GABRB1: variants seen among roughly 807,000 people sequenced by gnomAD.
The protein encoded by GABRB1 is gamma-aminobutyric acid receptor subunit beta-1.
In GABRB1, 17 loss-of-function variants were observed where a neutral mutation model predicts 51.6. That is an observed-to-expected ratio of 0.33 (90% CI 0.23 to 0.49). GABRB1 has a LOEUF of 0.49. GABRB1 is among the 20% of genes least tolerant of loss of function. The pLI is 0.99. For synonymous variants in GABRB1, 247 were observed against 218.9 expected (o/e 1.13, Z -1.14); for missense variants, 410 against 600.6 (o/e 0.68, Z 3.32).
chr4:47,377,749 T>C (rs1433558952), intron 5 of GABRB1, among the ~76,000 whole-genome samples: 1 of 151,944 alleles, frequency 6.6e-6, no homozygotes, highest in Non-Finnish European at 1.5e-5. Context: ...CCCACCAGAT[T>C]AGCTAGATAC....
chr4:47,183,729 A>G (rs566429699), intron 4 of GABRB1, among the ~76,000 whole-genome samples: 1 of 151,928 alleles, frequency 6.6e-6, no homozygotes, highest in South Asian at 2.1e-4. Context: ...TTACATCCAC[A>G]TGAACTCATG....
intron 3 of GABRB1, among the ~76,000 whole-genome samples, chr4:47,108,497 T>C (rs1221397223): frequency 2.6e-5 from 4 of 152,168 alleles, no homozygotes; most frequent in South Asian, 2.1e-4. Flanking sequence ...TAAAAAAGCA[T>C]AAATTTCTGA....
intron 8 of GABRB1, among the ~76,000 whole-genome samples, chr4:47,414,643 A>G (rs935247534): frequency 6.6e-6 from 1 of 152,182 alleles, no homozygotes; most frequent in Non-Finnish European, 1.5e-5. Context: ...TGTATCCCCA[A>G]TAGTCAAGAA....
rs138918063 is a variant in GABRB1 at position 47,228,047 on chromosome 4, C to A, written c.461+66578C>A. ...ACTGAAGTACTGAGGGTTAGGTGTA[C>A]AACACGTGAATTTGGAAGGAACACA... On this transcript the variant is annotated intron_variant, in intron 4 of 8. Coordinates refer to ENST00000295454, the MANE Select transcript of GABRB1 (RefSeq NM_000812.4). 5.8e-3 allele frequency among the ~76,000 whole-genome samples: 879 copies of A among 152,238 alleles called. 3 individuals are homozygous for A. The highest frequency in any genetic ancestry group is 8.2e-3 in the Non-Finnish European group (561 of 68,004).
intron 3 of GABRB1, among the ~76,000 whole-genome samples, chr4:47,137,389 A>C (rs1171790855): frequency 6.6e-6 from 1 of 152,092 alleles, no homozygotes; most frequent in East Asian, 1.9e-4. Flanking sequence ...TGAGGACAGA[A>C]CAGACAGGTG....
chr4:47,321,727 A>G (rs1725092936), intron 5 of GABRB1, among the ~76,000 whole-genome samples: 2 of 151,932 alleles, frequency 1.3e-5, no homozygotes, highest in East Asian at 1.9e-4. Context: ...TGGATTTCCC[A>G]TACATATTAG....
chr4:47,399,284 T>C (rs1728300224), intron 5 of GABRB1, among the ~76,000 whole-genome samples: 1 of 152,202 alleles, frequency 6.6e-6, no homozygotes, highest in Non-Finnish European at 1.5e-5. Flanking sequence ...TTATGCTTTA[T>C]TATTTAAAAT....
chr4:47,178,066 C>T (rs1214893296), intron 4 of GABRB1, among the ~76,000 whole-genome samples: 1 of 151,988 alleles, frequency 6.6e-6, no homozygotes, highest in African/African-American at 2.4e-5. Context: ...ATATGATTAC[C>T]TAAGTTTCCA....
intron 3 of GABRB1, among the ~76,000 whole-genome samples, chr4:47,074,430 A>G (rs1336706752): frequency 6.6e-6 from 1 of 152,224 alleles, no homozygotes; most frequent in Non-Finnish European, 1.5e-5. Context: ...AATGCCTTGC[A>G]TACAAAGGCA....
chr4:47,112,370 C>T (rs552376638), intron 3 of GABRB1, among the ~76,000 whole-genome samples: 2 of 152,186 alleles, frequency 1.3e-5, no homozygotes, highest in African/African-American at 4.8e-5. Context: ...CTCCCAAGTG[C>T]TGGGATTACA....
intron 5 of GABRB1, among the ~76,000 whole-genome samples, chr4:47,393,967 T>G (rs182943569): frequency 6.6e-6 from 1 of 152,370 alleles, no homozygotes; most frequent in African/African-American, 2.4e-5. Context: ...TAGGTATGTT[T>G]GATGCCATCC....
rs930951541 is a variant in GABRB1 at position 47,235,074 on chromosome 4, T to C, written c.461+73605T>C. Among the ~76,000 whole-genome samples, 14 of 152,330 alleles carry C rather than the reference T, an allele frequency of 9.2e-5. 1 individual carries two copies. Among genetic ancestry groups the C allele is most frequent in the Admixed American group, 7.2e-4 (11 of 15,302 alleles). ...AAATGCTCCCCACTTATACCCTTCC[T>C]TATTTCTCCTACCACAACTTTATCT... On this transcript the variant is annotated intron_variant, in intron 4 of 8. Transcript: ENST00000295454.
intron 1 of GABRB1, among the ~76,000 whole-genome samples, chr4:47,010,969 C>T (rs1457561696): frequency 6.6e-6 from 1 of 151,424 alleles, no homozygotes; most frequent in African/African-American, 2.4e-5. Flanking sequence ...TTTTTTTAAA[C>T]TCATTGCCAC....
At chr4:47,056,573 A>G (rs1263180804) in intron 3 of GABRB1, among the ~76,000 whole-genome samples, 3 of 152,200 alleles carry the variant, frequency 2.0e-5, no homozygotes, top group Non-Finnish European at 4.4e-5. Context: ...CCAGAGAAAT[A>G]CACATACAAA....
At chr4:47,342,838 A>G (rs1560342262) in intron 5 of GABRB1, among the ~76,000 whole-genome samples, 1 of 152,112 alleles carries the variant, frequency 6.6e-6, no homozygotes, top group Non-Finnish European at 1.5e-5. Context: ...GGCTTGTTTG[A>G]AAGGCACCAT....
At chr4:47,187,489 G>C (rs1719228800) in intron 4 of GABRB1, among the ~76,000 whole-genome samples, 1 of 151,794 alleles carries the variant, frequency 6.6e-6, no homozygotes, top group Non-Finnish European at 1.5e-5. Context: ...TTCTGACAAG[G>C]TGGTATAAGA....
chr4:47,390,251 C>T (rs1727937372), intron 5 of GABRB1, among the ~76,000 whole-genome samples: 1 of 150,666 alleles, frequency 6.6e-6, no homozygotes, highest in African/African-American at 2.4e-5. Context: ...TAATGATTGG[C>T]CTAAGCCAAT....
chr4:47,269,558 G>A (rs549579968), intron 4 of GABRB1, among the ~76,000 whole-genome samples: 1 of 152,140 alleles, frequency 6.6e-6, no homozygotes, highest in South Asian at 2.1e-4. Context: ...CAACAATTGA[G>A]GCAACTAGAA....
chr4:47,113,438 A>G (rs946151074), intron 3 of GABRB1, among the ~76,000 whole-genome samples: 20 of 152,290 alleles, frequency 1.3e-4, no homozygotes, highest in African/African-American at 4.6e-4. Context: ...GTGTTAAGTG[A>G]AATAAAAATA....
Sources: gnomAD v4.1 joint callset for allele counts (sites outside exome capture counted in the v4.1 genomes callset) on GRCh38, gnomAD v4.1.1 for gene constraint, MANE v1.5 for transcripts, NCBI Gene and HGNC (gene_info 2026-07-23, HGNC 2026-07-21) for gene names.